The following COL19A1 variants were observed in gnomAD, a reference collection of about 807,000 sequenced individuals.
COL19A1 encodes collagen alpha-1(XIX) chain.
Under a neutral mutation model 190.2 loss-of-function variants are expected in COL19A1, and 159 were observed. The observed-to-expected ratio is 0.84, with a 90% CI of 0.73 to 0.95. COL19A1 has a LOEUF of 0.95. COL19A1 is among the 40% of genes least tolerant of loss of function. The pLI, the probability that COL19A1 is intolerant of heterozygous loss-of-function variation, is 0.00. For synonymous variants in COL19A1, 509 were observed against 458.9 expected, an observed-to-expected ratio of 1.11 and a Z score of -1.39; for missense variants, 1,418 against 1,431.9, an observed-to-expected ratio of 0.99 and a Z score of 0.16.
At chr6:70,178,626 G>T (rs1362822170) in intron 42 of COL19A1, among the ~76,000 whole-genome samples, 2 of 152,052 alleles carry the variant, frequency 1.3e-5, no homozygotes, top group Non-Finnish European at 2.9e-5. Flanking sequence ...TAAACTTTAG[G>T]TTATGTATAT....
intron 28 of COL19A1, 42 bp from the exon 29 acceptor site, chr6:70,149,808 AC>A (rs775224673): frequency 3.7e-6 from 6 of 1,613,480 alleles, no homozygotes; most frequent in South Asian, 2.2e-5. Context: ...TGACTGAAAG[AC>A]CATCCTCATA....
At chr6:70,033,613 A>G (rs559240586) in intron 12 of COL19A1, among the ~76,000 whole-genome samples, 2 of 152,258 alleles carry the variant, frequency 1.3e-5, no homozygotes, top group South Asian at 2.1e-4. Flanking sequence ...AAAACATCCA[A>G]CAGTCCAGAG....
intron 9 of COL19A1, among the ~76,000 whole-genome samples, chr6:69,946,017 C>T (rs1362250092): frequency 6.6e-6 from 1 of 151,834 alleles, no homozygotes; most frequent in Non-Finnish European, 1.5e-5. Context: ...AGCAAGGAAG[C>T]TGATCATTGG....
chr6:69,986,110 A>G (rs1009514887), intron 11 of COL19A1, among the ~76,000 whole-genome samples: 1 of 151,844 alleles, frequency 6.6e-6, no homozygotes, highest in African/African-American at 2.4e-5. Flanking sequence ...AAAGTCAGGA[A>G]GAAAGCAAAT....
intron 44 of COL19A1, among the ~76,000 whole-genome samples, chr6:70,180,783 G>A (rs1483407395): frequency 6.6e-6 from 1 of 152,196 alleles, no homozygotes; most frequent in African/African-American, 2.4e-5. Flanking sequence ...CATTTCTTAA[G>A]CCTAATGTTC....
chr6:70,192,140 A>G (rs1174719545), intron 48 of COL19A1, among the ~76,000 whole-genome samples: 1 of 152,114 alleles, frequency 6.6e-6, no homozygotes, highest in Non-Finnish European at 1.5e-5. Context: ...AGCCCACAGC[A>G]ACCTCTGCCT....
intron 14 of COL19A1, among the ~76,000 whole-genome samples, chr6:70,046,408 A>G (rs1779920409): frequency 6.6e-6 from 1 of 152,196 alleles, no homozygotes; most frequent in South Asian, 2.1e-4. Flanking sequence ...TGGCCTACAA[A>G]GTCTTACAGG....
intron 4 of COL19A1, among the ~76,000 whole-genome samples, chr6:69,903,632 C>G (rs973238870): frequency 6.6e-6 from 1 of 152,200 alleles, no homozygotes; most frequent in Non-Finnish European, 1.5e-5. Flanking sequence ...TTACTAACTG[C>G]TTTTCTATCA....
intron 11 of COL19A1, among the ~76,000 whole-genome samples, chr6:69,969,067 T>C (rs79562728): frequency 6.2e-4 from 95 of 152,262 alleles, no homozygotes; most frequent in African/African-American, 1.7e-3. Context: ...TTTTATAAAA[T>C]AAAGTTAATT....
chr6:70,198,692 A>T (rs1242364513), intron 48 of COL19A1, among the ~76,000 whole-genome samples: 1 of 152,186 alleles, frequency 6.6e-6, no homozygotes, highest in Non-Finnish European at 1.5e-5. Context: ...TTTTTTAGTT[A>T]TCTGTTGCTG....
chr6:70,012,050 A>C, intron 11 of COL19A1, among the ~76,000 whole-genome samples: 1 of 7,426 alleles, frequency 1.3e-4, no homozygotes. Flanking sequence ...AGTGGGGGCC[A>C]ATATTCAACA....
At chr6:70,153,193 A>G (rs1309241096) in intron 31 of COL19A1, among the ~76,000 whole-genome samples, 1 of 152,146 alleles carries the variant, frequency 6.6e-6, no homozygotes, top group East Asian at 1.9e-4. Flanking sequence ...TGTCATGCCA[A>G]TGTAATAACA....
chr6:70,141,108 T>G (rs911431303), intron 20 of COL19A1, 119 bp downstream of exon 20: 8 of 866,100 alleles, frequency 9.2e-6, no homozygotes, highest in Non-Finnish European at 1.4e-5. Flanking sequence ...TCCATGAGCA[T>G]TTTACTTTTT....
At chr6:70,087,473 C>G (rs547094148) in intron 15 of COL19A1, among the ~76,000 whole-genome samples, 1 of 151,890 alleles carries the variant, frequency 6.6e-6, no homozygotes, top group African/African-American at 2.4e-5. Flanking sequence ...TTTAGGAGGT[C>G]GGTATGGCTA....
chr6:69,901,502 G>C (rs761303299), intron 4 of COL19A1, among the ~76,000 whole-genome samples: 2 of 152,250 alleles, frequency 1.3e-5, no homozygotes, highest in South Asian at 4.1e-4. Flanking sequence ...GATATAATGG[G>C]TGGTTGTTAG....
intron 2 of COL19A1, among the ~76,000 whole-genome samples, chr6:69,897,641 AT>A (rs1769884416): frequency 6.6e-6 from 1 of 152,092 alleles, no homozygotes; most frequent in African/African-American, 2.4e-5. Context: ...TGTTTTATAG[AT>A]TTTAGTGTTC....
At chr6:70,136,138 T>C (rs1464319223) in intron 18 of COL19A1, among the ~76,000 whole-genome samples, 2 of 152,200 alleles carry the variant, frequency 1.3e-5, no homozygotes, top group African/African-American at 2.4e-5. Flanking sequence ...ACGTATTCCA[T>C]AAATCTAGAA....
At chr6:70,173,652 A>C (rs987542039) in intron 41 of COL19A1, among the ~76,000 whole-genome samples, 3 of 152,180 alleles carry the variant, frequency 2.0e-5, no homozygotes, top group East Asian at 3.8e-4. Flanking sequence ...TTATTTCACT[A>C]TATGGTAGGA....
intron 49 of COL19A1, among the ~76,000 whole-genome samples, chr6:70,202,693 T>C (rs1378453757): frequency 6.6e-6 from 1 of 152,130 alleles, no homozygotes; most frequent in Non-Finnish European, 1.5e-5. Flanking sequence ...ACAATTCATA[T>C]TGAAAAAAGG....
Sources: allele counts gnomAD v4.1 joint callset (sites outside exome capture counted in the v4.1 genomes callset), GRCh38; gene constraint gnomAD v4.1.1; transcripts MANE v1.5; gene names NCBI Gene and HGNC (gene_info 2026-07-23, HGNC 2026-07-21).